The following ABCA1 variants were observed in gnomAD, a reference collection of about 807,000 sequenced individuals.
ABCA1 encodes the protein phospholipid-transporting ATPase ABCA1.
Under a neutral mutation model 262.5 loss-of-function variants are expected in ABCA1, and 133 were observed. The observed-to-expected ratio is 0.51, with a 90% CI of 0.44 to 0.59. The LOEUF is 0.59. Ranked by LOEUF, ABCA1 falls within the 20% of genes least tolerant of loss-of-function variation. The pLI, the probability that ABCA1 is intolerant of heterozygous loss-of-function variation, is 0.00. For missense variants in ABCA1, 2,452 were observed against 2,777.5 expected, an observed-to-expected ratio of 0.88 and a Z score of 2.63; for synonymous variants, 1,022 against 1,043.5, an observed-to-expected ratio of 0.98 and a Z score of 0.40.
At chr9:104,836,911 G>A (rs1176758807) in intron 11 of ABCA1, 69 bp downstream of exon 11, 1 of 1,250,818 alleles carries the variant, frequency 8.0e-7, no homozygotes, top group Non-Finnish European at 1.2e-6. Flanking sequence ...CTCACACCTG[G>A]GAAAGTGACC....
intron 13 of ABCA1, 69 bp from the exon 14 acceptor site, chr9:104,831,170 ATTGCC>A: frequency 8.1e-7 from 1 of 1,240,370 alleles, no homozygotes; most frequent in Non-Finnish European, 1.1e-6. Context: ...AAAAAAAAAA[ATTGCC>A]CAAAACCCTA....
intron 5 of ABCA1, among the ~76,000 whole-genome samples, chr9:104,866,622 C>T (rs1837117506): frequency 6.6e-6 from 1 of 152,128 alleles, no homozygotes; most frequent in African/African-American, 2.4e-5. Flanking sequence ...GTTGGGATTA[C>T]AGGCACCCGC....
chr9:104,786,303 T>G lies in ABCA1; in HGVS notation c.6396A>C (p.Lys2132Asn). 1.2e-6 allele frequency: 2 copies of G among 1,613,422 alleles called. No homozygotes were observed. Among genetic ancestry groups the G allele is most frequent in the Non-Finnish European group, 1.7e-6 (2 of 1,179,414 alleles). ...AAAGAAATTATCTTTATTACCTATTTTTTAGATGCTGGACACTGCCAAGGC... is the reference window on the plus strand; with the variant it reads ...AAAGAAATTATCTTTATTACCTATTGTTTAGATGCTGGACACTGCCAAGGC... ...FRCLGSVQHL[K>N]NRFGDGYTIV... The change falls in exon 48 of 50, where the codon AAA becomes AAC. Residue 2132 changes from lysine to asparagine, a missense_variant. Physicochemically the swap from Lys to Asn is moderately conservative, Grantham distance 94 (BLOSUM62 0). Coordinates refer to ENST00000374736, the MANE Select transcript of ABCA1 (RefSeq NM_005502.4).
chr9:104,861,952 C>T (rs184584482), intron 5 of ABCA1, 152 bp from the exon 6 acceptor site: 5 of 726,510 alleles, frequency 6.9e-6, no homozygotes, highest in East Asian at 2.7e-5. Flanking sequence ...AGGGGAGCAT[C>T]GCCATATCAG....
At chr9:104,823,843 A>G (rs1056361818) in intron 18 of ABCA1, among the ~76,000 whole-genome samples, 2 of 152,166 alleles carry the variant, frequency 1.3e-5, no homozygotes, top group Admixed American at 6.5e-5. Flanking sequence ...ACTAAGGGGC[A>G]TCATACTTTT....
In ABCA1 at chr9:104,791,099, TA is replaced by T. The variant is rs942878822; in HGVS notation, c.5821-72del. 517 of 1,023,138 alleles carry T rather than the reference TA, an allele frequency of 5.1e-4. 6 individuals carry two copies. In the Admixed American group the frequency reaches 8.7e-3, roughly 17 times the overall value. 63.4% of individuals were successfully genotyped at this position (1,023,138 alleles called of 1,614,324 possible). A position where few individuals can be genotyped will look rare whatever the true frequency, so the allele number is the denominator to read the frequency against. On this transcript the variant is annotated intron_variant, in intron 43 of 49. Coordinates refer to ENST00000374736, the MANE Select transcript of ABCA1 (RefSeq NM_005502.4). ...AATATAAATGCCCCTAACACGTAAC[TA>T]CCTCAAACCTTCAATTCTTAAATAT...
chr9:104,873,125 A>C (rs1837775571), intron 5 of ABCA1, among the ~76,000 whole-genome samples: 1 of 152,228 alleles, frequency 6.6e-6, no homozygotes, highest in African/African-American at 2.4e-5. Flanking sequence ...AAGGTTTCCA[A>C]ATATAAAATT....
Position 104,799,894 on chromosome 9 carries a change from T to C in ABCA1, c.4868A>G (p.Asn1623Ser), listed in dbSNP as rs777732015. 6.2e-7 allele frequency: 1 copy of C among 1,614,024 alleles called. No individual in the cohort carries two copies. The highest frequency in any genetic ancestry group is 8.5e-7 in the Non-Finnish European group (1 of 1,180,042). ...AGCAGTAATTCCATAATGGCTAGGG[T>C]TCTCTCCCTTTTGCAGGTTGGCCCG... Reference protein sequence around the residue: ...ILRANLQKGENPSHYGITAFN... With the variant: ...ILRANLQKGESPSHYGITAFN... The change falls in exon 36 of 50, where the codon AAC (asparagine) becomes AGC (serine). Residue 1623 changes from asparagine (N) to serine (S), a missense_variant. By Grantham distance (46) the Asn-to-Ser change is conservative. This residue lies in a region of ABCA1 where 752 missense variants were observed against 944.5 expected (regional missense o/e 0.80). Coordinates refer to ENST00000374736, the MANE Select transcript of ABCA1 (RefSeq NM_005502.4).
At chr9:104,827,664 G>A (rs1289600426) in intron 15 of ABCA1, among the ~76,000 whole-genome samples, 1 of 152,158 alleles carries the variant, frequency 6.6e-6, no homozygotes, top group Non-Finnish European at 1.5e-5. Flanking sequence ...TCCGGCTGAT[G>A]GGTACATGTC....
chr9:104,912,286 C>T (rs1206911583), intron 1 of ABCA1, among the ~76,000 whole-genome samples: 1 of 152,174 alleles, frequency 6.6e-6, no homozygotes, highest in Non-Finnish European at 1.5e-5. Context: ...GTAATCCTAA[C>T]ACCTTGGGAG....
At chr9:104,831,203 C>G (rs1833288966) in intron 13 of ABCA1, 102 bp from the exon 14 acceptor site, 6 of 1,124,612 alleles carry the variant, frequency 5.3e-6, no homozygotes, top group Non-Finnish European at 7.4e-6. Context: ...TACCAAGCCC[C>G]TTTTTCTATT....
Position 104,798,613 on chromosome 9 carries a change from C to G in ABCA1, c.4944-15G>C, listed in dbSNP as rs571750277. 156 of 1,612,412 alleles carry G rather than the reference C, an allele frequency of 9.7e-5. No individual in the cohort carries two copies. Among genetic ancestry groups the G allele is most frequent in the Middle Eastern group, 1.7e-4 (1 of 6,018 alleles). On this transcript the variant is annotated splice_polypyrimidine_tract_variant and intron_variant, in intron 36 of 49. Coordinates refer to ENST00000374736, the MANE Select transcript of ABCA1 (RefSeq NM_005502.4). ...ATGTGGTCATCCTGGAGAGAAAAAG[C>G]GTGTGAAAATCTGAGGGGTCTTTGA...
rs753002266 is a variant in ABCA1 at position 104,804,687 on chromosome 9, G to A, written c.4498C>T (p.Leu1500=). The change falls in exon 32 of 50, where the codon CTG becomes TTG. Residue 1500 remains leucine, a synonymous_variant. Transcript: ENST00000374736. The stretch of plus-strand genomic sequence containing the variant: ...TAATCCGAAATGTTTCTTCCTGTCA[G>A]GTCCTGAAGGATATCTGCAGTGTTT... The part of the protein sequence containing the change: ...KQNTADILQD[L]TGRNISDYLV... The A allele has an allele frequency of 1.2e-6, 2 of 1,614,174 alleles. No homozygotes were observed. Among genetic ancestry groups the A allele is most frequent in the Non-Finnish European group, 1.7e-6 (2 of 1,180,018 alleles).
intron 7 of ABCA1, among the ~76,000 whole-genome samples, chr9:104,854,411 A>G (rs1835654237): frequency 6.6e-6 from 1 of 152,054 alleles, no homozygotes; most frequent in South Asian, 2.1e-4. Context: ...TAATAAATGT[A>G]TGTGGTTATA....
chr9:104,807,288 C>T lies in ABCA1; in HGVS notation c.4275-858G>A, dbSNP rs571742115. Among the ~76,000 whole-genome samples the T allele has an allele frequency of 6.3e-4, 96 of 152,272 alleles. 1 individual carries two copies. The highest frequency in any genetic ancestry group is 2.3e-3 in the South Asian group (11 of 4,818). On this transcript the variant is annotated intron_variant, in intron 30 of 49. Coordinates refer to ENST00000374736, the MANE Select transcript of ABCA1 (RefSeq NM_005502.4). Reference sequence around the variant, plus strand: ...AGAATGCTCGTCACATAAAGAGCTACGCTGTCTACAAATTTTCCCTGGAGA... The same window carrying T: ...AGAATGCTCGTCACATAAAGAGCTATGCTGTCTACAAATTTTCCCTGGAGA...
At chr9:104,823,324 A>G (rs1832538264) in intron 18 of ABCA1, among the ~76,000 whole-genome samples, 1 of 151,960 alleles carries the variant, frequency 6.6e-6, no homozygotes. Flanking sequence ...CTAAATACGC[A>G]CACACACACA....
intron 13 of ABCA1, 48 bp from the exon 14 acceptor site, chr9:104,831,149 T>TAAAAAAAA (rs34121951): frequency 2.9e-5 from 27 of 926,202 alleles, no homozygotes; most frequent in East Asian, 2.4e-4. Flanking sequence ...AACCATACAA[T>TAAAAAAAA]AAAAAAAAAA....
intron 1 of ABCA1, among the ~76,000 whole-genome samples, chr9:104,910,038 C>T (rs992698334): frequency 3.9e-5 from 6 of 152,172 alleles, no homozygotes; most frequent in Admixed American, 3.3e-4. Flanking sequence ...TTTTCCTTCC[C>T]GCAAGAACAC....
In ABCA1 at chr9:104,816,314, C is replaced by T. The variant is rs184056207; in HGVS notation, c.3567G>A (p.Lys1189=). The change falls in exon 25 of 50, where the codon AAG becomes AAA. Residue 1189 remains lysine, a synonymous_variant. Transcript: ENST00000374736. The part of the protein sequence containing the change: ...DVSAISNLIR[K]HVSEARLVED... ...CCACCAGCCGGGCTTCAGACACATG[C>T]TTCCTGATGAGGTTGGAGATAGCAG... 2.2e-5 allele frequency: 35 copies of T among 1,614,044 alleles called. No individual in the cohort carries two copies. The African/African-American group carries it at 4.1e-4, about 19-fold the overall frequency.
Sources: gnomAD v4.1 joint callset for allele counts (sites outside exome capture counted in the v4.1 genomes callset) on GRCh38, gnomAD v4.1.1 for gene constraint, gnomAD v4.1.1 regional missense constraint, MANE v1.5 for transcripts, NCBI Gene and HGNC (gene_info 2026-07-23, HGNC 2026-07-21) for gene names.